The following RAPGEF6 variants were observed in gnomAD, a reference collection of about 807,000 sequenced individuals.
RAPGEF6 encodes PDZ domain containing guanine nucleotide exchange factor (GEF) 2.
RAPGEF6 carries 56 observed loss-of-function variants against 171.4 expected under a neutral mutation model. The observed-to-expected ratio is 0.33, with a 90% CI of 0.26 to 0.41. The LOEUF (loss-of-function observed/expected upper bound fraction) is 0.41. RAPGEF6 is among the 10% of genes least tolerant of loss of function. The pLI is 1.00. For missense variants in RAPGEF6, 1,674 were observed against 1,921.4 expected (o/e 0.87, Z 2.41); for synonymous variants, 692 against 650.1 (o/e 1.06, Z -0.98).
intron 4 of RAPGEF6, among the ~76,000 whole-genome samples, chr5:131,565,260 C>A (rs1354932681): frequency 6.6e-6 from 1 of 151,770 alleles, no homozygotes; most frequent in Non-Finnish European, 1.5e-5. Flanking sequence ...AAAATAAAAT[C>A]TTTTGACTCC....
At chr5:131,555,375 T>TA (rs953518716) in intron 5 of RAPGEF6, among the ~76,000 whole-genome samples, 2 of 151,064 alleles carry the variant, frequency 1.3e-5, no homozygotes, top group African/African-American at 4.9e-5. Context: ...GGAAACACAT[T>TA]TTTTTTCTTA....
chr5:131,535,982 C>T (rs1759743383), intron 6 of RAPGEF6, among the ~76,000 whole-genome samples: 1 of 151,912 alleles, frequency 6.6e-6, no homozygotes, highest in Admixed American at 6.6e-5. Flanking sequence ...TTATACTAAC[C>T]CAGGCATTTT....
chr5:131,550,116 C>T (rs1199250583), intron 5 of RAPGEF6, among the ~76,000 whole-genome samples: 1 of 152,152 alleles, frequency 6.6e-6, no homozygotes, highest in African/African-American at 2.4e-5. Flanking sequence ...TCCCATAATG[C>T]TCTTTCATTC....
chr5:131,620,071 CT>C (rs1765512056), intron 1 of RAPGEF6, among the ~76,000 whole-genome samples: 2 of 152,180 alleles, frequency 1.3e-5, no homozygotes, highest in Non-Finnish European at 2.9e-5. Context: ...CCATTATTAG[CT>C]TTCTGCGGCG....
intron 3 of RAPGEF6, among the ~76,000 whole-genome samples, chr5:131,600,550 A>AAGGAAGGG (rs1554086099): frequency 8.2e-6 from 1 of 121,562 alleles, no homozygotes. Context: ...GGAAGGAAGG[A>AAGGAAGGG]AGGGAGGGAG....
chr5:131,439,633 C>T lies in RAPGEF6; in HGVS notation c.3693G>A (p.Ala1231=), dbSNP rs764204630. 15 of 1,612,420 alleles carry T rather than the reference C, an allele frequency of 9.3e-6. No homozygotes were observed. The highest frequency in any genetic ancestry group is 2.2e-5 in the East Asian group (1 of 44,862). ...KKHTEDTISV[A]SSLHSSPPAS... ...CAGGAGGACTAGAATGTAAAGATGA[C>T]GCCACAGAAATAGTGTCTTCTGTAT... The change falls in exon 24 of 28, where the codon GCG becomes GCA. Residue 1231 remains alanine, a synonymous_variant. Coordinates refer to ENST00000509018, the MANE Select transcript of RAPGEF6 (RefSeq NM_016340.6).
rs758063931 is a variant in RAPGEF6 at position 131,472,729 on chromosome 5, G to A, written c.2097C>T (p.Ser699=). 1.9e-6 allele frequency: 3 copies of A among 1,610,858 alleles called. No individual in the cohort carries two copies. In the African/African-American group the frequency reaches 4.0e-5, roughly 22 times the overall value. ...CCACAATGCTGTCATCTTGTGATTG[G>A]CTTAGGCCTCCATCACTTCAAAAGA... ...PPKLFSDGGL[S]QSQDDSIVGT... is the part of the protein sequence containing the mutation. Residue 699 remains serine (S), a synonymous_variant, in exon 17 of 28, where the codon AGC becomes AGT. Transcript: ENST00000509018.
At position 131,511,481 on chromosome 5, in the gene RAPGEF6, C is replaced by CTTTTTTT. The variant is rs55782171; in HGVS notation, c.628-997_628-991dup. ...CCTTTTTTACTGCCAAAAAGATCAT[C>CTTTTTTT]TTTTTTTTTTTTTTTTCTTTTTTTT... On this transcript the variant is annotated intron_variant, in intron 7 of 27. Coordinates refer to ENST00000509018, the MANE Select transcript of RAPGEF6 (RefSeq NM_016340.6). 1.5e-4 allele frequency among the ~76,000 whole-genome samples: 21 copies of CTTTTTTT among 137,330 alleles called. 1 individual carries two copies. The highest frequency in any genetic ancestry group is 1.8e-4 in the Non-Finnish European group (12 of 65,400). The allele number at this position is 137,330 out of a possible 152,430, so 90.1% of individuals were successfully genotyped here.
intron 18 of RAPGEF6, among the ~76,000 whole-genome samples, chr5:131,463,282 G>T (rs1754066063): frequency 2.6e-5 from 4 of 152,104 alleles, no homozygotes; most frequent in Admixed American, 2.6e-4. Context: ...TTACCAAAAA[G>T]ATTATTCTCA....
intron 3 of RAPGEF6, among the ~76,000 whole-genome samples, chr5:131,599,770 T>C (rs1371505222): frequency 6.6e-6 from 1 of 152,228 alleles, no homozygotes. Context: ...ATGCCATTTT[T>C]GATAAATTTT....
In RAPGEF6 at chr5:131,479,614, T is replaced by C. The variant is rs1361913435; in HGVS notation, c.1980A>G (p.Gly660=). The change falls in exon 16 of 28, where the codon GGA becomes GGG. Residue 660 remains glycine, a synonymous_variant. Transcript: ENST00000509018. ...GDIEQTSQEK[G]SKKVKANTVS... Reference sequence around the variant, plus strand: ...CAGTATTTGCTTTAACTTTCTTACTTCCTTTCTCCTGTGATGTCTGTTCAA... The same window carrying C: ...CAGTATTTGCTTTAACTTTCTTACTCCCTTTCTCCTGTGATGTCTGTTCAA... 6.2e-7 allele frequency: 1 copy of C among 1,614,064 alleles called. No homozygotes were observed. Among genetic ancestry groups the C allele is most frequent in the Non-Finnish European group, 8.5e-7 (1 of 1,179,978 alleles).
At chr5:131,562,470 C>A (rs981042983) in intron 4 of RAPGEF6, among the ~76,000 whole-genome samples, 9 of 151,814 alleles carry the variant, frequency 5.9e-5, no homozygotes, top group African/African-American at 2.2e-4. Flanking sequence ...GTTAAGACAA[C>A]AGATACTAAA....
intron 4 of RAPGEF6, among the ~76,000 whole-genome samples, chr5:131,567,108 A>T (rs1003893990): frequency 6.6e-6 from 1 of 151,794 alleles, no homozygotes; most frequent in Non-Finnish European, 1.5e-5. Context: ...AAAAAAAAAA[A>T]AAATCCTTTG....
chr5:131,510,404 C>T lies in RAPGEF6; in HGVS notation c.715G>A (p.Glu239Lys). ...DSEDDEEEDE[E>K]IDRTDPLQGR... ...TGCAATGGATCTGTTCGATCAATCT[C>T]TTCATCTTCCTCTTCGTCATCCTCA... The change falls in exon 8 of 28, where the codon GAG becomes AAG. Residue 239 changes from glutamate to lysine, a missense_variant. Glu to Lys is a moderately conservative substitution (Grantham distance 56). Coordinates refer to ENST00000509018, the MANE Select transcript of RAPGEF6 (RefSeq NM_016340.6). The T allele has an allele frequency of 4.3e-6, 7 of 1,614,134 alleles. No individual in the cohort carries two copies. The highest frequency in any genetic ancestry group is 5.9e-6 in the Non-Finnish European group (7 of 1,180,018).
rs555056674 is a variant in RAPGEF6 at position 131,546,548 on chromosome 5, A to G, written c.495+1499T>C. 3.3e-3 allele frequency among the ~76,000 whole-genome samples: 509 copies of G among 152,076 alleles called. 1 individual carries two copies. The highest frequency in any genetic ancestry group is 5.4e-3 in the Non-Finnish European group (367 of 67,960). On this transcript the variant is annotated intron_variant, in intron 6 of 27. Transcript: ENST00000509018. ...GAACCCAGGAGGCAGAGGTTGCAGTAAGCTGAGATCGTGCCACTGCACTCC... is the reference window on the plus strand; with the variant it reads ...GAACCCAGGAGGCAGAGGTTGCAGTGAGCTGAGATCGTGCCACTGCACTCC...
intron 11 of RAPGEF6, among the ~76,000 whole-genome samples, chr5:131,500,474 G>A (rs1055647068): frequency 2.6e-5 from 4 of 152,090 alleles, no homozygotes; most frequent in Admixed American, 6.6e-5. Context: ...CACAGAGGCA[G>A]GGTCCCTATA....
chr5:131,559,468 T>C (rs987907477), intron 5 of RAPGEF6, among the ~76,000 whole-genome samples: 2 of 152,234 alleles, frequency 1.3e-5, no homozygotes, highest in African/African-American at 4.8e-5. Flanking sequence ...GTAACCTTGA[T>C]ACAATTAACC....
intron 11 of RAPGEF6, among the ~76,000 whole-genome samples, chr5:131,503,313 G>A (rs912708496): frequency 2.0e-5 from 3 of 152,162 alleles, no homozygotes; most frequent in Non-Finnish European, 2.9e-5. Flanking sequence ...ATCAGTGACA[G>A]ATCTCTCTAC....
intron 2 of RAPGEF6, 137 bp from the exon 3 acceptor site, chr5:131,603,464 CAGAG>C: frequency 1.7e-6 from 1 of 593,802 alleles, no homozygotes; most frequent in Non-Finnish European, 3.0e-6. Context: ...CACTAAACTA[CAGAG>C]AGTTTAGAAA....
Sources: allele counts gnomAD v4.1 joint callset (sites outside exome capture counted in the v4.1 genomes callset), GRCh38; gene constraint gnomAD v4.1.1; transcripts MANE v1.5; gene names NCBI Gene and HGNC (gene_info 2026-07-23, HGNC 2026-07-21).